The following SPAG9 variants were observed in gnomAD, a reference collection of about 807,000 sequenced individuals.
SPAG9 encodes the protein C-Jun-amino-terminal kinase-interacting protein 4.
In SPAG9, 35 loss-of-function variants were observed where a neutral mutation model predicts 166.5. The observed-to-expected ratio is 0.21, with a 90% confidence interval of 0.16 to 0.28. The LOEUF is 0.28. Among genes scored for constraint, SPAG9 ranks in the 10% least tolerant of loss-of-function variants. The probability of loss-of-function intolerance (pLI) is 1.00; values close to 1 mark genes in which losing one functional copy is unlikely to be tolerated. For missense variants in SPAG9, 1,235 were observed against 1,603.3 expected (o/e 0.77, Z 3.92); for synonymous variants, 534 against 565.5 (o/e 0.94, Z 0.79).
intron 1 of SPAG9, among the ~76,000 whole-genome samples, chr17:51,090,610 C>T (rs1341683329): frequency 6.6e-6 from 1 of 152,138 alleles, no homozygotes; most frequent in Admixed American, 6.5e-5. Flanking sequence ...CAAGAGAGCC[C>T]TATGTTCTAT....
At chr17:51,043,929 A>G (rs2046932295) in intron 4 of SPAG9, among the ~76,000 whole-genome samples, 1 of 152,222 alleles carries the variant, frequency 6.6e-6, no homozygotes, top group Non-Finnish European at 1.5e-5. Flanking sequence ...ATCAGTTGAC[A>G]AAATCTACAA....
At chr17:51,053,852 A>ATATATATAT (rs1276804629) in intron 3 of SPAG9, among the ~76,000 whole-genome samples, 11 of 49,326 alleles carry the variant, frequency 2.2e-4, no homozygotes, top group South Asian at 1.2e-3. Context: ...AAAAAAAAAA[A>ATATATATAT]AAGTATATAT....
rs2044781274 is a variant in SPAG9 at position 50,998,563 on chromosome 17, A to C, written c.1719T>G (p.Pro573=). The change falls in exon 15 of 30, where the codon CCT becomes CCG. Residue 573 remains proline (P), a synonymous_variant. Transcript: ENST00000262013. The part of the protein sequence containing the change: ...SSNTTKKPEP[P]VNLKYNAPTS... ...TGGGTGCATTGTACTTCAGATTAAC[A>C]GGTGGTTCAGGCTTCTTAGTCGTGT... 5.0e-6 allele frequency: 8 copies of C among 1,614,176 alleles called. No individual in the cohort carries two copies. Among genetic ancestry groups the C allele is most frequent in the Non-Finnish European group, 6.8e-6 (8 of 1,180,008 alleles).
chr17:51,013,170 C>G (rs1023845549), intron 9 of SPAG9, among the ~76,000 whole-genome samples: 1 of 152,174 alleles, frequency 6.6e-6, no homozygotes, highest in Non-Finnish European at 1.5e-5. Context: ...AATTAACAAA[C>G]GAAACCTTTT....
chr17:51,047,988 G>C (rs1421577897), intron 3 of SPAG9, among the ~76,000 whole-genome samples: 1 of 152,018 alleles, frequency 6.6e-6, no homozygotes, highest in East Asian at 1.9e-4. Context: ...TTAATACCAA[G>C]AAAAGTTTCT....
intron 6 of SPAG9, among the ~76,000 whole-genome samples, chr17:51,021,794 G>A (rs1029037119): frequency 6.6e-6 from 1 of 151,216 alleles, no homozygotes; most frequent in African/African-American, 2.4e-5. Context: ...TGTAAAGTGT[G>A]GTATTAAAAT....
intron 1 of SPAG9, among the ~76,000 whole-genome samples, chr17:51,091,644 T>C (rs141246865): frequency 6.6e-6 from 1 of 151,796 alleles, no homozygotes; most frequent in African/African-American, 2.4e-5. Context: ...CTCACACACA[T>C]ACCCACTTTT....
intron 5 of SPAG9, among the ~76,000 whole-genome samples, chr17:51,037,683 A>T (rs1434277226): frequency 2.0e-5 from 2 of 101,886 alleles, no homozygotes; most frequent in African/African-American, 6.6e-5. Flanking sequence ...ATATATATAT[A>T]TAGTGTGTGT....
At chr17:50,976,142 A>G (rs1479682580) in intron 27 of SPAG9, among the ~76,000 whole-genome samples, 2 of 152,042 alleles carry the variant, frequency 1.3e-5, no homozygotes, top group African/African-American at 4.8e-5. Context: ...TTTTTAAATA[A>G]TAAAGCAATT....
At chr17:51,087,991 T>G (rs1175359760) in intron 1 of SPAG9, among the ~76,000 whole-genome samples, 1 of 152,172 alleles carries the variant, frequency 6.6e-6, no homozygotes. Context: ...GCGATCCTCC[T>G]GCCTCAGCCT....
intron 2 of SPAG9, among the ~76,000 whole-genome samples, chr17:51,064,868 T>C (rs1474801039): frequency 6.6e-6 from 1 of 152,142 alleles, no homozygotes; most frequent in Admixed American, 6.6e-5. Context: ...AGGCCTGTAA[T>C]CCCAGCACTT....
At chr17:51,038,981 C>CGTG (rs1475807178) in intron 5 of SPAG9, among the ~76,000 whole-genome samples, 2 of 152,280 alleles carry the variant, frequency 1.3e-5, no homozygotes, top group East Asian at 3.9e-4. Context: ...CACCACAGGT[C>CGTG]TCTCACAGTG....
intron 1 of SPAG9, among the ~76,000 whole-genome samples, chr17:51,108,223 C>T (rs966978729): frequency 3.3e-5 from 5 of 151,784 alleles, no homozygotes; most frequent in African/African-American, 1.2e-4. Flanking sequence ...CCCGTCTCTA[C>T]TAAAAATACA....
At chr17:50,972,066 C>A (rs142825585) in intron 28 of SPAG9, among the ~76,000 whole-genome samples, 290 of 152,238 alleles carry the variant, frequency 1.9e-3, no homozygotes, top group Middle Eastern at 6.8e-3. Context: ...TGTGCCTGGT[C>A]TCTTAAAAAT....
chr17:51,085,034 A>G (rs1380077382), intron 1 of SPAG9, among the ~76,000 whole-genome samples: 1 of 151,928 alleles, frequency 6.6e-6, no homozygotes, highest in Non-Finnish European at 1.5e-5. Context: ...TATTTTTAAT[A>G]GAGATGTGGT....
chr17:51,019,285 C>T (rs907361014), intron 8 of SPAG9, among the ~76,000 whole-genome samples: 1 of 152,184 alleles, frequency 6.6e-6, no homozygotes, highest in Non-Finnish European at 1.5e-5. Flanking sequence ...TGGCCAGGTG[C>T]AGTGGCTCAT....
At chr17:51,116,961 T>TA (rs1200978701) in intron 1 of SPAG9, among the ~76,000 whole-genome samples, 1 of 152,054 alleles carries the variant, frequency 6.6e-6, no homozygotes, top group Non-Finnish European at 1.5e-5. Context: ...GGGTCTTGGT[T>TA]AAAGAATGGA....
intron 2 of SPAG9, among the ~76,000 whole-genome samples, chr17:51,057,744 C>T (rs1311069619): frequency 6.6e-6 from 1 of 152,192 alleles, no homozygotes; most frequent in African/African-American, 2.4e-5. Flanking sequence ...AGAGAGCAAA[C>T]ACACACTACA....
At chr17:51,049,696 C>G (rs1264621154) in intron 3 of SPAG9, among the ~76,000 whole-genome samples, 1 of 152,054 alleles carries the variant, frequency 6.6e-6, no homozygotes, top group African/African-American at 2.4e-5. Context: ...ATCTCTGCCT[C>G]CCACATTCAA....
Sources: allele counts gnomAD v4.1 joint callset (sites outside exome capture counted in the v4.1 genomes callset), GRCh38; gene constraint gnomAD v4.1.1; transcripts MANE v1.5; gene names NCBI Gene and HGNC (gene_info 2026-07-23, HGNC 2026-07-21).